Variants in EPHA6 observed in about 807,000 individuals in gnomAD.
The protein encoded by EPHA6 is EPH receptor A6, also known as ephrin type-A receptor 6.
Under a neutral mutation model 112.0 loss-of-function variants are expected in EPHA6, and 50 were observed. The ratio of observed to expected loss-of-function variants is 0.45; its 90% CI spans 0.36 to 0.56. The LOEUF (loss-of-function observed/expected upper bound fraction) is 0.56. Among genes scored for constraint, EPHA6 ranks in the 20% least tolerant of loss-of-function variants. The pLI is 0.00. For missense variants in EPHA6, 1,280 were observed against 1,417.4 expected (o/e 0.90, Z 1.56); for synonymous variants, 529 against 490.7 (o/e 1.08, Z -1.03).
chr3:97,397,453 T>G (rs765735566), intron 5 of EPHA6, among the ~76,000 whole-genome samples: 1 of 151,662 alleles, frequency 6.6e-6, no homozygotes, highest in African/African-American at 2.4e-5. Context: ...AGCTTTCATA[T>G]ATGGAAGCCT....
At chr3:97,531,302 T>C (rs2092692217) in intron 10 of EPHA6, among the ~76,000 whole-genome samples, 1 of 152,110 alleles carries the variant, frequency 6.6e-6, no homozygotes, top group African/African-American at 2.4e-5. Flanking sequence ...CAAAGTTTGT[T>C]GAATGCATTA....
chr3:97,411,241 T>C (rs1253516981), intron 6 of EPHA6, among the ~76,000 whole-genome samples: 3 of 152,030 alleles, frequency 2.0e-5, no homozygotes, highest in Admixed American at 1.3e-4. Context: ...CTGTGGAAGC[T>C]TGTCTGGCTT....
intron 1 of EPHA6, among the ~76,000 whole-genome samples, chr3:96,866,356 T>C (rs939792086): frequency 6.6e-6 from 1 of 152,016 alleles, no homozygotes; most frequent in African/African-American, 2.4e-5. Flanking sequence ...TTAAAGATTA[T>C]AAGATTTTTC....
intron 2 of EPHA6, among the ~76,000 whole-genome samples, chr3:96,874,481 T>C (rs2036830192): frequency 6.6e-6 from 1 of 152,100 alleles, no homozygotes; most frequent in Non-Finnish European, 1.5e-5. Flanking sequence ...AAGTGTAAAA[T>C]ATGGACTAGT....
intron 5 of EPHA6, among the ~76,000 whole-genome samples, chr3:97,365,087 G>A (rs561475762): frequency 3.3e-5 from 5 of 152,098 alleles, no homozygotes; most frequent in East Asian, 1.9e-4. Context: ...ATGCAATCAC[G>A]GAAAATGAAA....
chr3:97,413,652 A>G (rs2087896498), intron 6 of EPHA6, among the ~76,000 whole-genome samples: 1 of 152,002 alleles, frequency 6.6e-6, no homozygotes, highest in African/African-American at 2.4e-5. Context: ...AACTAAAGGA[A>G]AGCAGTTTTT....
intron 14 of EPHA6, among the ~76,000 whole-genome samples, chr3:97,674,893 C>T (rs1035653224): frequency 6.6e-6 from 1 of 152,056 alleles, no homozygotes. Context: ...AATTCTCAGC[C>T]AGGATGTGGA....
At chr3:97,411,954 C>A (rs2087746124) in intron 6 of EPHA6, among the ~76,000 whole-genome samples, 1 of 151,980 alleles carries the variant, frequency 6.6e-6, no homozygotes, top group Non-Finnish European at 1.5e-5. Context: ...TAAGGATGTT[C>A]TTTCCTCTGG....
rs556896258 is a variant in EPHA6, at chr3:96,954,583, T to C, written c.451-32747T>C. ...CTACACAGGGAGAAGTGCTTCCTGA[T>C]TATCTCACATAAAGAACAACTCCCT... On this transcript the variant is annotated intron_variant, in intron 2 of 17. Coordinates refer to ENST00000389672, the MANE Select transcript of EPHA6 (RefSeq NM_001080448.3). 5.9e-5 allele frequency among the ~76,000 whole-genome samples: 9 copies of C among 152,266 alleles called. No homozygotes were observed. In the East Asian group the frequency reaches 1.7e-3, roughly 29 times the overall value.
intron 5 of EPHA6, among the ~76,000 whole-genome samples, chr3:97,298,672 A>G (rs951976296): frequency 1.3e-5 from 2 of 152,138 alleles, no homozygotes; most frequent in African/African-American, 4.8e-5. Flanking sequence ...AAAAAGAAAT[A>G]TTATTTAGTT....
At chr3:97,254,467 C>T (rs1024841092) in intron 5 of EPHA6, among the ~76,000 whole-genome samples, 31 of 152,164 alleles carry the variant, frequency 2.0e-4, no homozygotes, top group African/African-American at 7.2e-4. Flanking sequence ...GGATTACAGG[C>T]GTGAGCCATT....
chr3:96,867,876 T>C (rs747074502), intron 2 of EPHA6, among the ~76,000 whole-genome samples: 1 of 152,110 alleles, frequency 6.6e-6, no homozygotes, highest in Middle Eastern at 3.4e-3. Flanking sequence ...AAATATCCTA[T>C]GAAGAGTGAA....
chr3:97,281,766 G>A (rs1194087865), intron 5 of EPHA6, among the ~76,000 whole-genome samples: 2 of 152,084 alleles, frequency 1.3e-5, no homozygotes, highest in African/African-American at 4.8e-5. Context: ...ACATGCCTAG[G>A]TACAGTAACA....
intron 3 of EPHA6, among the ~76,000 whole-genome samples, chr3:97,019,020 T>C (rs911620515): frequency 3.9e-5 from 6 of 152,128 alleles, no homozygotes; most frequent in Non-Finnish European, 7.4e-5. Context: ...AGCTCCTATC[T>C]CTGTATGGCC....
chr3:97,122,796 A>G (rs906464196), intron 3 of EPHA6, among the ~76,000 whole-genome samples: 2 of 152,078 alleles, frequency 1.3e-5, no homozygotes, highest in Non-Finnish European at 1.5e-5. Flanking sequence ...ACCTAATTAT[A>G]TGATTAAAAT....
chr3:97,240,550 G>A (rs1349712522), intron 4 of EPHA6, among the ~76,000 whole-genome samples: 2 of 151,788 alleles, frequency 1.3e-5, no homozygotes, highest in African/African-American at 4.8e-5. Context: ...TAATTGGTGA[G>A]CAGTCACTTT....
At chr3:97,575,540 A>G (rs1055170392) in intron 11 of EPHA6, among the ~76,000 whole-genome samples, 6 of 152,196 alleles carry the variant, frequency 3.9e-5, no homozygotes, top group Admixed American at 3.3e-4. Context: ...GAGAGGTTAC[A>G]CATCAAAATG....
chr3:97,190,328 G>A (rs577361016), intron 3 of EPHA6, among the ~76,000 whole-genome samples: 1 of 152,172 alleles, frequency 6.6e-6, no homozygotes, highest in African/African-American at 2.4e-5. Flanking sequence ...ATTCCAGTTT[G>A]TGGACAATTA....
chr3:97,103,632 G>A (rs2108265773), intron 3 of EPHA6, among the ~76,000 whole-genome samples: 1 of 152,098 alleles, frequency 6.6e-6, no homozygotes, highest in African/African-American at 2.4e-5. Context: ...CTCTTTTTTG[G>A]TTCCATATAA....
Sources: allele counts gnomAD v4.1 joint callset (sites outside exome capture counted in the v4.1 genomes callset), GRCh38; gene constraint gnomAD v4.1.1; transcripts MANE v1.5; gene names NCBI Gene and HGNC (gene_info 2026-07-23, HGNC 2026-07-21).